MAL2: variants seen among roughly 807,000 people sequenced by gnomAD.
MAL2 encodes the protein protein MAL2.
MAL2 carries 17 observed loss-of-function variants against 18.1 expected under a neutral mutation model. The ratio of observed to expected loss-of-function variants is 0.94; its 90% confidence interval spans 0.64 to 1.41. The LOEUF is 1.41. Ranked by LOEUF, MAL2 falls within the 40% of genes most tolerant of loss-of-function variation. The pLI is 0.00. For missense variants in MAL2, 222 were observed against 231.9 expected (o/e 0.96, Z 0.28); for synonymous variants, 102 against 102.3 (o/e 1.00, Z 0.02).
In MAL2 at chr8:119,245,129, C is replaced by CAA. The variant is rs920109515; in HGVS notation, c.*1644_*1645dup. 2 of 152,616 alleles carry CAA rather than the reference C, an allele frequency of 1.3e-5. No homozygotes were observed. Among genetic ancestry groups the CAA allele is most frequent in the African/African-American group, 4.8e-5 (2 of 41,542 alleles). The allele number at this position is 152,616 out of a possible 1,614,324, so 9.5% of individuals were successfully genotyped here. A position where few individuals can be genotyped will look rare whatever the true frequency, so the allele number is the denominator to read the frequency against. ...TAAAGACAGAAGACATGAGGAAAAA[C>CAA]AAAAGGTTTGAGGAAATCAGGCATA... On this transcript the variant is annotated 3_prime_UTR_variant, in exon 4 of 4. Transcript: ENST00000614891.
chr8:119,209,800 A>G (rs796600503), intron 1 of MAL2, among the ~76,000 whole-genome samples: 11 of 152,310 alleles, frequency 7.2e-5, no homozygotes, highest in African/African-American at 2.6e-4. Flanking sequence ...GTTGCAGGCT[A>G]TGACATCAGT....
chr8:119,226,573 T>G (rs1817600471), intron 2 of MAL2, among the ~76,000 whole-genome samples: 1 of 151,750 alleles, frequency 6.6e-6, no homozygotes, highest in African/African-American at 2.4e-5. Context: ...TAGTGGGCAG[T>G]GCTCTGGGGT....
intron 2 of MAL2, among the ~76,000 whole-genome samples, chr8:119,226,948 C>G (rs984771541): frequency 1.3e-5 from 2 of 152,146 alleles, no homozygotes; most frequent in African/African-American, 4.8e-5. Context: ...GGAAGACCTT[C>G]TTAACACACA....
intron 2 of MAL2, among the ~76,000 whole-genome samples, chr8:119,233,778 A>G (rs1401021236): frequency 6.6e-6 from 1 of 151,830 alleles, no homozygotes; most frequent in Non-Finnish European, 1.5e-5. Flanking sequence ...TCCTTCTGAA[A>G]CTATTCCTAT....
At chr8:119,236,641 C>A (rs1817903679) in intron 2 of MAL2, among the ~76,000 whole-genome samples, 1 of 151,608 alleles carries the variant, frequency 6.6e-6, no homozygotes, top group Admixed American at 6.6e-5. Flanking sequence ...AAGAATCTCA[C>A]TCAAAACCGC....
chr8:119,221,643 A>T lies in MAL2; in HGVS notation c.189A>T (p.Leu63=), dbSNP rs369877513. Residue 63 remains leucine, a synonymous_variant, in exon 2 of 4, where the codon CTA becomes CTT. Coordinates refer to ENST00000614891, the MANE Select transcript of MAL2 (RefSeq NM_052886.3). The stretch of plus-strand genomic sequence containing the variant: ...CCTCCTCCAATGTTCCTCTACCTCT[A>T]CTACAAGGATGGGTCATGTTTGTGT... ...LVASSNVPLP[L]LQGWVMFVSV... The T allele has an allele frequency of 1.2e-6, 2 of 1,613,806 alleles. No individual in the cohort carries two copies. The highest frequency in any genetic ancestry group is 1.7e-6 in the Non-Finnish European group (2 of 1,179,840).
chr8:119,219,087 T>G (rs1339280233), intron 1 of MAL2, among the ~76,000 whole-genome samples: 1 of 152,216 alleles, frequency 6.6e-6, no homozygotes, highest in Non-Finnish European at 1.5e-5. Context: ...ACAAGTTTTT[T>G]CTTTTATAGG....
In MAL2 at chr8:119,240,200, T is replaced by C. The variant is rs1363054233; in HGVS notation, c.339T>C (p.Tyr113=). 6.2e-6 allele frequency: 10 copies of C among 1,613,834 alleles called. No homozygotes were observed. Among genetic ancestry groups the C allele is most frequent in the Non-Finnish European group, 8.5e-6 (10 of 1,179,810 alleles). ...FAYHFTVFVF[Y]FGAFLLEAAA... ...ACCATTTTACAGTATTTGTCTTCTATTTTGGAGCCTTTTTATTGGAAGCAG... is the reference window on the plus strand; with the variant it reads ...ACCATTTTACAGTATTTGTCTTCTACTTTGGAGCCTTTTTATTGGAAGCAG... Residue 113 remains tyrosine, a synonymous_variant, in exon 3 of 4, where the codon TAT becomes TAC. Transcript: ENST00000614891.
intron 2 of MAL2, among the ~76,000 whole-genome samples, chr8:119,239,813 G>A (rs1359362199): frequency 1.3e-5 from 2 of 151,782 alleles, no homozygotes; most frequent in African/African-American, 4.8e-5. Flanking sequence ...GCTAAATGAT[G>A]AGTTAATGAG....
chr8:119,234,414 G>C (rs946258966), intron 2 of MAL2, among the ~76,000 whole-genome samples: 1 of 152,234 alleles, frequency 6.6e-6, no homozygotes, highest in Non-Finnish European at 1.5e-5. Flanking sequence ...GCTTGCTTAG[G>C]TAAACAAAGC....
At chr8:119,229,785 T>A (rs1475507196) in intron 2 of MAL2, among the ~76,000 whole-genome samples, 3 of 152,130 alleles carry the variant, frequency 2.0e-5, no homozygotes, top group Admixed American at 2.0e-4. Flanking sequence ...AGGAGCCAAC[T>A]CTTCCAAAAA....
chr8:119,229,520 C>G (rs1339932044), intron 2 of MAL2, among the ~76,000 whole-genome samples: 1 of 152,072 alleles, frequency 6.6e-6, no homozygotes, highest in African/African-American at 2.4e-5. Flanking sequence ...GCCATGTTGG[C>G]TAGGCTGGTC....
At chr8:119,218,264 A>G (rs894014748) in intron 1 of MAL2, among the ~76,000 whole-genome samples, 5 of 151,996 alleles carry the variant, frequency 3.3e-5, no homozygotes, top group Non-Finnish European at 7.4e-5. Flanking sequence ...TGCAGCACAT[A>G]CCCCACAAGT....
chr8:119,233,338 G>A (rs1563775452), intron 2 of MAL2, among the ~76,000 whole-genome samples: 1 of 152,096 alleles, frequency 6.6e-6, no homozygotes. Context: ...GAGCAGAACT[G>A]AAGGAAATAG....
intron 2 of MAL2, among the ~76,000 whole-genome samples, chr8:119,231,243 A>G (rs1817719393): frequency 6.6e-6 from 1 of 152,180 alleles, no homozygotes; most frequent in Admixed American, 6.5e-5. Flanking sequence ...TGTGTTAGCC[A>G]GGATGGTCTC....
intron 3 of MAL2, among the ~76,000 whole-genome samples, chr8:119,241,956 A>G (rs1818056216): frequency 6.6e-6 from 1 of 152,206 alleles, no homozygotes; most frequent in Admixed American, 6.5e-5. Context: ...ATCCCTGAGG[A>G]TGATAGAATC....
intron 1 of MAL2, among the ~76,000 whole-genome samples, chr8:119,209,356 C>G (rs1374234770): frequency 1.3e-5 from 2 of 152,158 alleles, no homozygotes; most frequent in Non-Finnish European, 2.9e-5. Context: ...TTTTAGCACA[C>G]TTTGTTGGGC....
chr8:119,232,138 C>T (rs559307456), intron 2 of MAL2, among the ~76,000 whole-genome samples: 6 of 151,736 alleles, frequency 4.0e-5, no homozygotes, highest in Admixed American at 1.3e-4. Flanking sequence ...AAATTAGCTC[C>T]ACTTAGCCAT....
Position 119,221,774 on chromosome 8 carries a change from T to TTAAG in MAL2, c.303+19_303+22dup, listed in dbSNP as rs758265995. On this transcript the variant is annotated intron_variant, in intron 2 of 3. Transcript: ENST00000614891. ...AACTTCCTGGTAAGGACTTTTTATTTTAAGTCTATTGCAGGAAGATGGGAG... is the reference window on the plus strand; with the variant it reads ...AACTTCCTGGTAAGGACTTTTTATTTTAAGTAAGTCTATTGCAGGAAGATGGGAG... The TTAAG allele has an allele frequency of 1.9e-6, 3 of 1,612,110 alleles. No homozygotes were observed. Among genetic ancestry groups the TTAAG allele is most frequent in the Non-Finnish European group, 2.5e-6 (3 of 1,178,794 alleles).
Sources: allele counts gnomAD v4.1 joint callset (sites outside exome capture counted in the v4.1 genomes callset), GRCh38; gene constraint gnomAD v4.1.1; transcripts MANE v1.5; gene names NCBI Gene and HGNC (gene_info 2026-07-23, HGNC 2026-07-21).